Variants in TDRD3 observed in about 807,000 individuals in gnomAD.
TDRD3 encodes tudor domain containing 3, also known as tudor domain-containing protein 3.
In TDRD3, 45 loss-of-function variants were observed where a neutral mutation model predicts 86.7. The observed-to-expected ratio is 0.52, with a 90% CI of 0.41 to 0.67. The LOEUF is 0.67. TDRD3 is among the 30% of genes least tolerant of loss of function. TDRD3 has a pLI of 0.00. For missense variants in TDRD3, 814 were observed against 889.0 expected (o/e 0.92, Z 1.07); for synonymous variants, 298 against 301.7 (o/e 0.99, Z 0.13).
At chr13:60,564,355 G>C (rs1958402176) in intron 12 of TDRD3, among the ~76,000 whole-genome samples, 1 of 152,128 alleles carries the variant, frequency 6.6e-6, no homozygotes, top group African/African-American at 2.4e-5. Flanking sequence ...GGTCAAGGCG[G>C]GACAACTTGA....
At chr13:60,487,845 A>G (rs953184103) in intron 7 of TDRD3, among the ~76,000 whole-genome samples, 1 of 152,186 alleles carries the variant, frequency 6.6e-6, no homozygotes, top group Non-Finnish European at 1.5e-5. Flanking sequence ...AGCAACCTCC[A>G]TATTGTTTTC....
chr13:60,486,524 A>G (rs1956440080), intron 7 of TDRD3, among the ~76,000 whole-genome samples: 1 of 152,180 alleles, frequency 6.6e-6, no homozygotes, highest in Admixed American at 6.5e-5. Context: ...TATGAGGTAC[A>G]TGTGATATTT....
chr13:60,510,798 CTTTCT>C (rs1957042636), intron 10 of TDRD3, 43 bp downstream of exon 10: 2 of 1,303,048 alleles, frequency 1.5e-6, no homozygotes, highest in African/African-American at 1.6e-5. Flanking sequence ...TCTTTCTTTT[CTTTCT>C]TTTTTTTTTT....
At chr13:60,481,122 C>A (rs1956304189) in intron 5 of TDRD3, among the ~76,000 whole-genome samples, 1 of 152,036 alleles carries the variant, frequency 6.6e-6, no homozygotes, top group African/African-American at 2.4e-5. Context: ...GGCTGCACTG[C>A]TTGCAGGCAT....
At chr13:60,484,443 T>G (rs1420980878) in intron 6 of TDRD3, among the ~76,000 whole-genome samples, 15 of 152,258 alleles carry the variant, frequency 9.9e-5, no homozygotes, top group South Asian at 4.1e-4. Flanking sequence ...CTCTTTAATT[T>G]TATTCAAGAG....
intron 12 of TDRD3, among the ~76,000 whole-genome samples, chr13:60,564,240 G>A (rs953875406): frequency 2.1e-4 from 32 of 152,146 alleles, no homozygotes; most frequent in Admixed American, 1.9e-3. Context: ...CCCTCAGGAG[G>A]TCCTAAGAAA....
chr13:60,397,600 A>AGGC (rs1345283491), intron 1 of TDRD3, among the ~76,000 whole-genome samples, 195 bp downstream of exon 1: 15 of 147,506 alleles, frequency 1.0e-4, no homozygotes, highest in South Asian at 6.3e-4. Flanking sequence ...GGTCCCCTGG[A>AGGC]GGCGGCGGCG....
intron 1 of TDRD3, among the ~76,000 whole-genome samples, chr13:60,411,817 A>T (rs775736253): frequency 1.3e-5 from 2 of 152,262 alleles, no homozygotes; most frequent in South Asian, 2.1e-4. Flanking sequence ...TTTTAGTAAG[A>T]TTCTTATTAA....
Position 60,444,758 on chromosome 13 carries a change from A to G in TDRD3, c.192+10A>G. Reference sequence around the variant, plus strand: ...TGGAAAGGTAGAAAAGGTAAAGAAAATCAATAACTTCTTACATTAATTAAT... The same window carrying G: ...TGGAAAGGTAGAAAAGGTAAAGAAAGTCAATAACTTCTTACATTAATTAAT... On this transcript the variant is annotated intron_variant, in intron 3 of 13. Coordinates refer to ENST00000377881, the MANE Select transcript of TDRD3 (RefSeq NM_001146070.2). The G allele has an allele frequency of 7.1e-7, 1 of 1,407,464 alleles. No homozygotes were observed. 87.2% of individuals were successfully genotyped at this position (1,407,464 alleles called of 1,614,324 possible).
chr13:60,414,306 A>G (rs373219831), intron 1 of TDRD3, among the ~76,000 whole-genome samples: 141 of 152,266 alleles, frequency 9.3e-4, no homozygotes, highest in Middle Eastern at 3.4e-3. Context: ...CTGGCCTGCT[A>G]CCAGTTTTTG....
chr13:60,478,023 T>G (rs937605951), intron 5 of TDRD3, among the ~76,000 whole-genome samples: 24 of 112,856 alleles, frequency 2.1e-4, no homozygotes, highest in East Asian at 3.0e-4. Context: ...GGTTAAGAGA[T>G]TTTTTTTTAT....
intron 5 of TDRD3, among the ~76,000 whole-genome samples, chr13:60,474,537 A>C (rs1029392019): frequency 6.6e-6 from 1 of 152,216 alleles, no homozygotes; most frequent in Non-Finnish European, 1.5e-5. Context: ...TGTAAGGTTT[A>C]AGATGTGTAC....
intron 12 of TDRD3, among the ~76,000 whole-genome samples, chr13:60,544,842 G>A (rs1429467320): frequency 1.3e-5 from 2 of 152,102 alleles, no homozygotes; most frequent in African/African-American, 4.8e-5. Context: ...ATAATCAATA[G>A]ATGTATACTA....
intron 12 of TDRD3, among the ~76,000 whole-genome samples, chr13:60,540,035 A>G (rs1957775716): frequency 6.6e-6 from 1 of 152,140 alleles, no homozygotes; most frequent in South Asian, 2.1e-4. Flanking sequence ...GTATTTAGTA[A>G]ACAATACAAG....
At chr13:60,531,546 G>A (rs915640774) in intron 11 of TDRD3, among the ~76,000 whole-genome samples, 4 of 152,166 alleles carry the variant, frequency 2.6e-5, no homozygotes, top group African/African-American at 9.7e-5. Context: ...GCAGAAGTAA[G>A]AGATTGGAAT....
intron 7 of TDRD3, among the ~76,000 whole-genome samples, chr13:60,487,302 C>T (rs1256121444): frequency 6.6e-6 from 1 of 152,032 alleles, no homozygotes; most frequent in Non-Finnish European, 1.5e-5. Flanking sequence ...CCTAGCAAAA[C>T]CCTGTCTCCA....
rs961904248 is a variant in TDRD3, at chr13:60,478,970, A to AT, written c.496-4795dup. Among the ~76,000 whole-genome samples the AT allele has an allele frequency of 8.3e-4, 122 of 147,508 alleles. No individual in the cohort carries two copies. The East Asian group carries it at 0.015, about 18-fold the overall frequency. On this transcript the variant is annotated intron_variant, in intron 5 of 13. Coordinates refer to ENST00000377881, the MANE Select transcript of TDRD3 (RefSeq NM_001146070.2). ...AGGCACACACCACCATGCCTAGCTG[A>AT]TTTTTTTTTTGTATTTTTAGTAGAC...
chr13:60,468,312 A>G (rs1484832139), intron 5 of TDRD3, among the ~76,000 whole-genome samples: 3 of 152,008 alleles, frequency 2.0e-5, no homozygotes, highest in Non-Finnish European at 4.4e-5. Flanking sequence ...CCATTTTTAC[A>G]TTATTCATCT....
At chr13:60,440,393 A>G (rs1343890421) in intron 2 of TDRD3, among the ~76,000 whole-genome samples, 1 of 152,010 alleles carries the variant, frequency 6.6e-6, no homozygotes, top group Non-Finnish European at 1.5e-5. Flanking sequence ...TAAAAATGTA[A>G]GTAAACAGGC....
Sources: gnomAD v4.1 joint callset for allele counts (sites outside exome capture counted in the v4.1 genomes callset) on GRCh38, gnomAD v4.1.1 for gene constraint, MANE v1.5 for transcripts, NCBI Gene and HGNC (gene_info 2026-07-23, HGNC 2026-07-21) for gene names.